Variants in ZBTB20 observed in about 807,000 individuals in gnomAD.
ZBTB20 encodes zinc finger and BTB domain containing 20, also known as zinc finger and BTB domain-containing protein 20.
Under a neutral mutation model 56.9 loss-of-function variants are expected in ZBTB20, and 9 were observed. That is an observed-to-expected ratio of 0.16 (90% CI 0.10 to 0.28). The LOEUF is 0.28. Ranked by LOEUF, ZBTB20 falls within the 10% of genes least tolerant of loss-of-function variation. The pLI is 1.00. For synonymous variants in ZBTB20, 417 were observed against 420.7 expected (o/e 0.99, Z 0.11); for missense variants, 655 against 1,003.0 (o/e 0.65, Z 4.69).
chr3:114,490,907 C>T (rs2042680059), intron 7 of ZBTB20, among the ~76,000 whole-genome samples: 1 of 152,114 alleles, frequency 6.6e-6, no homozygotes, highest in Admixed American at 6.6e-5. Flanking sequence ...AAGGAGCAGG[C>T]ATAAGAAAGA....
chr3:114,755,592 T>TA (rs2067951029), intron 5 of ZBTB20, among the ~76,000 whole-genome samples: 1 of 152,118 alleles, frequency 6.6e-6, no homozygotes, highest in African/African-American at 2.4e-5. Flanking sequence ...ATTTTTTTTT[T>TA]AAATTCCCCC....
At chr3:114,718,852 T>G (rs1006060971) in intron 5 of ZBTB20, among the ~76,000 whole-genome samples, 1 of 151,960 alleles carries the variant, frequency 6.6e-6, no homozygotes, top group African/African-American at 2.4e-5. Context: ...TACTCCATTT[T>G]GGGTCATGAG....
intron 3 of ZBTB20, among the ~76,000 whole-genome samples, chr3:114,922,750 A>G (rs2076007966): frequency 6.6e-6 from 1 of 152,190 alleles, no homozygotes; most frequent in Non-Finnish European, 1.5e-5. Context: ...GCAAGAGAGA[A>G]AGAAGAGAGA....
At chr3:114,734,350 C>T (rs942819483) in intron 5 of ZBTB20, among the ~76,000 whole-genome samples, 1 of 151,844 alleles carries the variant, frequency 6.6e-6, no homozygotes, top group East Asian at 1.9e-4. Context: ...TTCATGCAGG[C>T]CTCTAATTAA....
chr3:114,593,165 C>T (rs2055954492), intron 6 of ZBTB20, among the ~76,000 whole-genome samples: 1 of 152,128 alleles, frequency 6.6e-6, no homozygotes, highest in Non-Finnish European at 1.5e-5. Context: ...CAGTGTCAAC[C>T]TCTTCTAAAA....
At chr3:114,421,073 A>T (rs956069299) in intron 7 of ZBTB20, among the ~76,000 whole-genome samples, 2 of 152,140 alleles carry the variant, frequency 1.3e-5, no homozygotes, top group African/African-American at 4.8e-5. Flanking sequence ...CTTGATTACC[A>T]GGGAACTTGT....
intron 1 of ZBTB20, among the ~76,000 whole-genome samples, chr3:115,101,126 A>C (rs2083568528): frequency 1.3e-5 from 2 of 152,274 alleles, no homozygotes; most frequent in Admixed American, 1.3e-4. Context: ...CTGTGTGAAC[A>C]GGTGCAATGC....
intron 4 of ZBTB20, among the ~76,000 whole-genome samples, chr3:114,886,658 G>T (rs753760548): frequency 6.6e-6 from 1 of 152,136 alleles, no homozygotes; most frequent in African/African-American, 2.4e-5. Context: ...CAGTCCATCT[G>T]CAGAGTTAGT....
intron 5 of ZBTB20, among the ~76,000 whole-genome samples, chr3:114,721,149 C>A (rs1417288279): frequency 6.6e-6 from 1 of 152,056 alleles, no homozygotes; most frequent in Non-Finnish European, 1.5e-5. Flanking sequence ...GAATGCGAAA[C>A]GGGGTCCTTG....
intron 4 of ZBTB20, among the ~76,000 whole-genome samples, chr3:114,850,175 C>T (rs1331515925): frequency 1.3e-5 from 2 of 152,104 alleles, no homozygotes; most frequent in African/African-American, 4.8e-5. Flanking sequence ...GCTGGGATTA[C>T]AGGTGTGAGC....
intron 2 of ZBTB20, among the ~76,000 whole-genome samples, chr3:115,064,247 C>T (rs1576686936): frequency 6.6e-6 from 1 of 152,006 alleles, no homozygotes; most frequent in African/African-American, 2.4e-5. Context: ...TTCCTGAACC[C>T]TCTATCTTGG....
intron 1 of ZBTB20, among the ~76,000 whole-genome samples, chr3:115,141,514 T>C (rs2107348705): frequency 6.6e-6 from 1 of 152,304 alleles, no homozygotes; most frequent in Non-Finnish European, 1.5e-5. Context: ...TCAAAACATA[T>C]TTTATCTTGC....
intron 7 of ZBTB20, among the ~76,000 whole-genome samples, chr3:114,473,671 A>T (rs935952725): frequency 1.1e-4 from 17 of 152,148 alleles, no homozygotes; most frequent in African/African-American, 3.1e-4. Context: ...GTCTCTAAAA[A>T]ATAAAAAGTA....
intron 6 of ZBTB20, among the ~76,000 whole-genome samples, chr3:114,660,329 A>G (rs2060653308): frequency 6.6e-6 from 1 of 152,080 alleles, no homozygotes; most frequent in Non-Finnish European, 1.5e-5. Flanking sequence ...ATAAGAAGCA[A>G]TTTGCTTGGG....
intron 10 of ZBTB20, among the ~76,000 whole-genome samples, chr3:114,364,650 C>T (rs1267106362): frequency 1.3e-5 from 2 of 152,204 alleles, no homozygotes; most frequent in Admixed American, 6.5e-5. Flanking sequence ...GTTACGTCTA[C>T]AGCAATACAC....
At chr3:114,436,998 A>C (rs1460903620) in intron 7 of ZBTB20, among the ~76,000 whole-genome samples, 3 of 152,220 alleles carry the variant, frequency 2.0e-5, no homozygotes, top group Non-Finnish European at 2.9e-5. Context: ...CAAGCCATTC[A>C]TGCCTTCATG....
rs184316101 is a variant in ZBTB20 at position 114,705,619 on chromosome 3, A to T, written c.-342-12044T>A. Among the ~76,000 whole-genome samples the T allele has an allele frequency of 4.3e-4, 66 of 152,342 alleles. 4 individuals carry two copies. In the South Asian group the frequency reaches 0.011, roughly 26 times the overall value. ...AACACCCATTAAAAACAACAAACCC[A>T]GTATCAAAATTTGGTATTTTTTTCC... On this transcript the variant is annotated intron_variant, in intron 5 of 11. Transcript: ENST00000675478.
chr3:114,387,040 T>C lies in ZBTB20; in HGVS notation c.-154+1965A>G, dbSNP rs9856849. Among the ~76,000 whole-genome samples the C allele has an allele frequency of 3.4e-3, 516 of 152,290 alleles. 6 individuals are homozygous for C. The highest frequency in any genetic ancestry group is 0.012 in the African/African-American group (491 of 41,548). The stretch of plus-strand genomic sequence containing the variant: ...AAATGGTCAGCAAATTTTAAATGAC[T>C]GAGTAAATATACTCACCTCTGCCGT... On this transcript the variant is annotated intron_variant, in intron 8 of 11. Coordinates refer to ENST00000675478, the MANE Select transcript of ZBTB20 (RefSeq NM_001348800.3).
chr3:114,368,698 G>C (rs992815548), intron 10 of ZBTB20, among the ~76,000 whole-genome samples: 5 of 152,234 alleles, frequency 3.3e-5, no homozygotes, highest in African/African-American at 7.2e-5. Flanking sequence ...AGGCCTCCAG[G>C]TCAAGAACTC....
Sources: gnomAD v4.1 joint callset for allele counts (sites outside exome capture counted in the v4.1 genomes callset) on GRCh38, gnomAD v4.1.1 for gene constraint, MANE v1.5 for transcripts, NCBI Gene and HGNC (gene_info 2026-07-23, HGNC 2026-07-21) for gene names.